EYS: variants seen among roughly 807,000 people sequenced by gnomAD.
EYS encodes protein eyes shut homolog.
A neutral mutation model predicts 282.1 loss-of-function variants in EYS; 250 were observed. The observed-to-expected ratio is 0.89, with a 90% CI of 0.80 to 0.98. The LOEUF (loss-of-function observed/expected upper bound fraction) is 0.98, where lower values mean the gene tolerates loss of function less well. Ranked by LOEUF, EYS falls within the 50% of genes least tolerant of loss-of-function variation. The pLI is 0.00. For synonymous variants in EYS, 1,355 were observed against 1,282.9 expected (o/e 1.06, Z -1.20); for missense variants, 4,016 against 3,709.0 (o/e 1.08, Z -2.15).
intron 2 of EYS, among the ~76,000 whole-genome samples, chr6:65,558,400 G>T (rs1000661048): frequency 6.6e-6 from 1 of 152,260 alleles, no homozygotes; most frequent in Non-Finnish European, 1.5e-5. Flanking sequence ...GGCATTGGGA[G>T]TGCGGAGAGG....
chr6:63,821,295 AG>A (rs1056327038), intron 36 of EYS: 11 of 152,164 alleles, frequency 7.2e-5, no homozygotes, highest in Non-Finnish European at 1.2e-4. Context: ...TGAAGCACAA[AG>A]AAAGTAGAAA....
At chr6:65,506,455 CCTTTCTTTTTTTTTTTTT>C (rs1562228588) in intron 2 of EYS, among the ~76,000 whole-genome samples, 3 of 107,392 alleles carry the variant, frequency 2.8e-5, no homozygotes, top group African/African-American at 1.0e-4. Context: ...ATCCTTCCTT[CCTTTCTTTTTTTTTTTTT>C]TTTTTTTTTT....
chr6:65,219,235 C>A (rs372857141), intron 12 of EYS, among the ~76,000 whole-genome samples: 10 of 152,190 alleles, frequency 6.6e-5, no homozygotes, highest in African/African-American at 2.2e-4. Context: ...GGATGGTAGG[C>A]ATTTGCCAAT....
At chr6:63,854,210 C>T (rs746666862) in intron 36 of EYS, among the ~76,000 whole-genome samples, 7 of 152,078 alleles carry the variant, frequency 4.6e-5, no homozygotes, top group Non-Finnish European at 1.0e-4. Flanking sequence ...AAACCAAATG[C>T]CCATCAATGT....
intron 19 of EYS, among the ~76,000 whole-genome samples, chr6:64,851,783 G>A (rs1350470658): frequency 2.0e-5 from 3 of 151,944 alleles, no homozygotes; most frequent in Non-Finnish European, 4.4e-5. Flanking sequence ...AAAATACACA[G>A]TGTGGCTTTT....
intron 35 of EYS, among the ~76,000 whole-genome samples, chr6:63,923,067 G>A (rs114498028): frequency 0.011 from 1,610 of 152,292 alleles, 23 homozygotes; most frequent in African/African-American, 0.037. Context: ...TGCATTGTAA[G>A]TTTGCTAAAG....
Position 64,125,152 on chromosome 6 carries a change from CTG to C in EYS, c.6425-43152_6425-43151del, listed in dbSNP as rs200807087. 8.4e-4 allele frequency among the ~76,000 whole-genome samples: 125 copies of C among 149,454 alleles called. 2 individuals are homozygous for C. The highest frequency in any genetic ancestry group is 2.2e-3 in the African/African-American group (85 of 38,982). On this transcript the variant is annotated intron_variant, in intron 31 of 42. Coordinates refer to ENST00000503581, the MANE Select transcript of EYS (RefSeq NM_001142800.2). ...TGTCAAACACACACACACACACTCT[CTG>C]TCTCTCTCTCTCTCTCTCTCTCGCT... is the stretch of plus-strand genomic sequence containing the variant.
At chr6:64,492,430 G>A (rs1238180657) in intron 26 of EYS, among the ~76,000 whole-genome samples, 2 of 150,878 alleles carry the variant, frequency 1.3e-5, no homozygotes, top group Admixed American at 1.3e-4. Flanking sequence ...GCTTACATAT[G>A]GAGCCATCTG....
intron 30 of EYS, among the ~76,000 whole-genome samples, chr6:64,299,408 G>T (rs1296446064): frequency 1.3e-5 from 2 of 152,222 alleles, no homozygotes; most frequent in Admixed American, 1.3e-4. Context: ...CTGAATATCA[G>T]TGTCTGAGTA....
intron 31 of EYS, among the ~76,000 whole-genome samples, chr6:64,152,717 G>A (rs1281823102): frequency 6.6e-6 from 1 of 152,092 alleles, no homozygotes; most frequent in African/African-American, 2.4e-5. Context: ...CATCTAGAGA[G>A]TCACCTTTCT....
chr6:65,318,540 ATATATATTATATATATTT>A (rs1424489689), intron 11 of EYS, among the ~76,000 whole-genome samples: 2 of 146,462 alleles, frequency 1.4e-5, no homozygotes, highest in African/African-American at 2.5e-5. Flanking sequence ...CATATTTTAT[ATATATATTATATATATTT>A]TATATATTAT....
chr6:64,774,376 T>A (rs1178978859), intron 22 of EYS, among the ~76,000 whole-genome samples: 1 of 151,914 alleles, frequency 6.6e-6, no homozygotes, highest in African/African-American at 2.4e-5. Context: ...TATTATTTAA[T>A]GTTGACTTGC....
chr6:64,973,127 T>C (rs1175506442), intron 14 of EYS, among the ~76,000 whole-genome samples: 1 of 152,092 alleles, frequency 6.6e-6, no homozygotes, highest in Non-Finnish European at 1.5e-5. Flanking sequence ...CTAGAAATAC[T>C]GTTATTTTTA....
At chr6:65,099,674 T>C (rs938903723) in intron 12 of EYS, among the ~76,000 whole-genome samples, 9 of 150,772 alleles carry the variant, frequency 6.0e-5, no homozygotes, top group African/African-American at 2.2e-4. Context: ...AATGTGAGAT[T>C]ATAAGTATTT....
At chr6:64,072,812 A>G (rs1771638262) in intron 32 of EYS, among the ~76,000 whole-genome samples, 1 of 151,926 alleles carries the variant, frequency 6.6e-6, no homozygotes, top group Admixed American at 6.6e-5. Flanking sequence ...TCAGACTCAT[A>G]TTTTTGAGAT....
chr6:63,867,304 G>A (rs974015755), intron 35 of EYS, among the ~76,000 whole-genome samples: 4 of 151,928 alleles, frequency 2.6e-5, no homozygotes, highest in Non-Finnish European at 4.4e-5. Context: ...TTTTTTTCAT[G>A]GAATATATCT....
chr6:65,204,018 C>T lies in EYS; in HGVS notation c.2023+91845G>A, dbSNP rs533927682. On this transcript the variant is annotated intron_variant, in intron 12 of 42. Transcript: ENST00000503581. Reference sequence around the variant, plus strand: ...CAATATGGTCAGAAAAAAACAGTAACAAAAAGGATTTCAGAAAGCAAACAA... The same window carrying T: ...CAATATGGTCAGAAAAAAACAGTAATAAAAAGGATTTCAGAAAGCAAACAA... Among the ~76,000 whole-genome samples, 44 of 151,748 alleles carry T rather than the reference C, an allele frequency of 2.9e-4. No homozygotes were observed. The South Asian group carries it at 3.3e-3, about 11-fold the overall frequency.
intron 19 of EYS, among the ~76,000 whole-genome samples, chr6:64,844,579 C>T (rs1170240343): frequency 2.6e-5 from 4 of 152,020 alleles, no homozygotes; most frequent in Non-Finnish European, 5.9e-5. Flanking sequence ...CCTTCTTTCA[C>T]CTACTAGTTC....
At chr6:64,119,951 C>T (rs1773520499) in intron 31 of EYS, among the ~76,000 whole-genome samples, 1 of 151,900 alleles carries the variant, frequency 6.6e-6, no homozygotes, top group Non-Finnish European at 1.5e-5. Flanking sequence ...ACTTAGTTTC[C>T]AAAAAAATTA....
Sources: allele counts gnomAD v4.1 joint callset (sites outside exome capture counted in the v4.1 genomes callset), GRCh38; gene constraint gnomAD v4.1.1; transcripts MANE v1.5; gene names NCBI Gene and HGNC (gene_info 2026-07-23, HGNC 2026-07-21).